Variants in MRTFA observed in about 807,000 individuals in gnomAD.
MRTFA encodes the protein myocardin related transcription factor A.
In MRTFA, 20 loss-of-function variants were observed where a neutral mutation model predicts 83.5. That is an observed-to-expected ratio of 0.24 (90% CI 0.17 to 0.35). MRTFA has a LOEUF of 0.35. Ranked by LOEUF, MRTFA falls within the 10% of genes least tolerant of loss-of-function variation. The pLI is 1.00. For synonymous variants in MRTFA, 659 were observed against 541.2 expected (o/e 1.22, Z -3.02); for missense variants, 1,200 against 1,224.7 (o/e 0.98, Z 0.30).
At chr22:40,458,417 G>C (rs759888928) in intron 4 of MRTFA, among the ~76,000 whole-genome samples, 39 of 152,140 alleles carry the variant, frequency 2.6e-4, no homozygotes, top group Non-Finnish European at 5.1e-4. Flanking sequence ...GGAATTAGGG[G>C]ATTCTTTAAT....
chr22:40,492,610 T>A (rs1163536984), intron 3 of MRTFA, among the ~76,000 whole-genome samples: 2 of 152,168 alleles, frequency 1.3e-5, no homozygotes, highest in Non-Finnish European at 2.9e-5. Flanking sequence ...CCCTCTTCTC[T>A]CTCTTGCCCT....
intron 2 of MRTFA, among the ~76,000 whole-genome samples, chr22:40,564,670 G>A (rs1370712898): frequency 1.3e-5 from 2 of 151,686 alleles, no homozygotes; most frequent in Non-Finnish European, 2.9e-5. Context: ...TTATTATTTT[G>A]GAGACGGAGC....
chr22:40,411,244 G>T lies in MRTFA; in HGVS notation c.*146C>A. 1.1e-6 allele frequency: 1 copy of T among 899,186 alleles called. No individual in the cohort carries two copies. Among genetic ancestry groups the T allele is most frequent in the Non-Finnish European group, 1.6e-6 (1 of 611,812 alleles). 55.7% of individuals were successfully genotyped at this position (899,186 alleles called of 1,614,324 possible). On this transcript the variant is annotated 3_prime_UTR_variant, in exon 15 of 15. Transcript: ENST00000355630. ...CTGAACCAGGAGTAAGGGCTTCTCT[G>T]TTCTAGCCTCCCAGGGAAGGGAAAA...
At chr22:40,489,364 T>A (rs1003119804) in intron 3 of MRTFA, among the ~76,000 whole-genome samples, 4 of 151,944 alleles carry the variant, frequency 2.6e-5, no homozygotes, top group African/African-American at 7.2e-5. Flanking sequence ...TTTTTTTTTT[T>A]ATGGAGACGG....
chr22:40,510,197 G>A (rs184144641), intron 3 of MRTFA, among the ~76,000 whole-genome samples: 2 of 152,232 alleles, frequency 1.3e-5, no homozygotes, highest in East Asian at 3.9e-4. Context: ...CAATAACTAG[G>A]ACAACTAAAG....
chr22:40,426,767 C>G (rs1335035292), intron 7 of MRTFA, among the ~76,000 whole-genome samples: 1 of 152,196 alleles, frequency 6.6e-6, no homozygotes, highest in Non-Finnish European at 1.5e-5. Flanking sequence ...TCCCACAGCA[C>G]TGACACACAC....
intron 4 of MRTFA, among the ~76,000 whole-genome samples, chr22:40,442,986 A>T (rs895971714): frequency 6.6e-5 from 10 of 152,202 alleles, no homozygotes; most frequent in African/African-American, 2.4e-4. Flanking sequence ...ACAGTGGCTC[A>T]CACCTGTAAT....
chr22:40,416,889 C>T lies in MRTFA; in HGVS notation c.2578+97G>A, dbSNP rs528874723. 1,471 of 1,169,758 alleles carry T rather than the reference C, an allele frequency of 1.3e-3. 1 individual carries two copies. Among genetic ancestry groups the T allele is most frequent in the Non-Finnish European group, 1.7e-3 (1,378 of 810,126 alleles). The allele number at this position is 1,169,758 out of a possible 1,614,324, so 72.5% of individuals were successfully genotyped here. ...CACAGTGCTTGCCCAAGACTGGTCA[C>T]GCACGGAAGCATTCAATAAAAACAA... On this transcript the variant is annotated intron_variant, in intron 14 of 14. Transcript: ENST00000355630. This position sits in a 1 kb window ranked among gnomAD's most constrained non-coding sequence, Gnocchi z 4.2.
intron 2 of MRTFA, among the ~76,000 whole-genome samples, chr22:40,592,773 A>C (rs1164474321): frequency 1.3e-5 from 2 of 152,172 alleles, no homozygotes; most frequent in Non-Finnish European, 2.9e-5. Context: ...AATTACAGGC[A>C]TGAACTACCA....
rs2052526528 is a variant in MRTFA, at chr22:40,411,291, G to GACTC, written c.*95_*98dup. The GACTC allele has an allele frequency of 1.6e-5, 21 of 1,283,380 alleles. No individual in the cohort carries two copies. The highest frequency in any genetic ancestry group is 5.0e-4 in the Middle Eastern group (2 of 4,010). The allele number at this position is 1,283,380 out of a possible 1,614,324, so 79.5% of individuals were successfully genotyped here. A position where few individuals can be genotyped will look rare whatever the true frequency, so the allele number is the denominator to read the frequency against. On this transcript the variant is annotated 3_prime_UTR_variant, in exon 15 of 15. Coordinates refer to ENST00000355630, the MANE Select transcript of MRTFA (RefSeq NM_020831.6). ...AAAAAGCAGGGGCTGTGATTGTCAAGACTCACAACCATGTGGAGAGGCCGA... is the reference window on the plus strand; with the variant it reads ...AAAAAGCAGGGGCTGTGATTGTCAAGACTCACTCACAACCATGTGGAGAGGCCGA...
chr22:40,463,280 T>A lies in MRTFA; in HGVS notation c.248A>T (p.Gln83Leu), dbSNP rs1235722484. Residue 83 changes from glutamine to leucine, a missense_variant, in exon 4 of 15, where the codon CAG becomes CTG. By Grantham distance (113) the Gln-to-Leu change is moderately radical. Transcript: ENST00000355630. The stretch of plus-strand genomic sequence containing the variant: ...GGTCCGGCGCTGCTGGAGTTTCAAC[T>A]GTAGCACTGCAGGGCAGCAGAGAGA... The A allele has an allele frequency of 6.2e-7, 1 of 1,613,870 alleles. No individual in the cohort carries two copies. The highest frequency in any genetic ancestry group is 8.5e-7 in the Non-Finnish European group (1 of 1,179,944).
At chr22:40,607,555 T>C (rs563525011) in intron 1 of MRTFA, among the ~76,000 whole-genome samples, 128 of 149,808 alleles carry the variant, frequency 8.5e-4, no homozygotes, top group Non-Finnish European at 1.3e-3. Flanking sequence ...ATATCAAAAA[T>C]CAGAAATCTT....
intron 1 of MRTFA, among the ~76,000 whole-genome samples, chr22:40,606,272 T>C (rs1178722496): frequency 2.8e-4 from 43 of 152,362 alleles, no homozygotes; most frequent in Admixed American, 2.8e-3. Flanking sequence ...CATCAATCTC[T>C]GGGGCATGTG....
In MRTFA at chr22:40,424,369, T is replaced by C. The variant is rs775976908; in HGVS notation, c.614A>G (p.Asn205Ser). 1 of 1,613,362 alleles carries C rather than the reference T, an allele frequency of 6.2e-7. No homozygotes were observed. Among genetic ancestry groups the C allele is most frequent in the South Asian group, 1.1e-5 (1 of 90,972 alleles). The change falls in exon 8 of 15, where the codon AAC becomes AGC. Residue 205 changes from asparagine to serine, a missense_variant. By Grantham distance (46) the Asn-to-Ser change is conservative. Around this residue, in one of 2 missense-constraint regions of MRTFA, gnomAD observed 93 missense variants for 182.9 expected, o/e 0.51. Coordinates refer to ENST00000355630, the MANE Select transcript of MRTFA (RefSeq NM_020831.6). ...AGAGCTGTCTGCTACTTTGGGATAGTTCACCTGGCCCACTGAAACCCAAAG... is the reference window on the plus strand; with the variant it reads ...AGAGCTGTCTGCTACTTTGGGATAGCTCACCTGGCCCACTGAAACCCAAAG...
At chr22:40,634,176 C>T (rs538730191) in intron 1 of MRTFA, among the ~76,000 whole-genome samples, 72 of 151,954 alleles carry the variant, frequency 4.7e-4, no homozygotes, top group South Asian at 2.9e-3. Flanking sequence ...CCACCTCAAA[C>T]TCCTGGGCTC....
At chr22:40,621,565 A>C (rs1332394499) in intron 1 of MRTFA, among the ~76,000 whole-genome samples, 1 of 152,192 alleles carries the variant, frequency 6.6e-6, no homozygotes, top group Non-Finnish European at 1.5e-5. Context: ...CACAATATGA[A>C]TGTACTTAAC....
rs942795825 is a variant in MRTFA at position 40,466,079 on chromosome 22, G to T, written c.242-2793C>A. 1.1e-4 allele frequency among the ~76,000 whole-genome samples: 17 copies of T among 152,282 alleles called. No individual in the cohort carries two copies. The East Asian group carries it at 3.3e-3, about 29-fold the overall frequency. Reference sequence around the variant, plus strand: ...ACAGGAGTGGAGTGTGATCACCTGGGTTTATTCTCTGGTGAGACAGACAAA... The same window carrying T: ...ACAGGAGTGGAGTGTGATCACCTGGTTTTATTCTCTGGTGAGACAGACAAA... On this transcript the variant is annotated intron_variant, in intron 3 of 14. Transcript: ENST00000355630.
At chr22:40,443,572 A>G (rs2053321093) in intron 4 of MRTFA, among the ~76,000 whole-genome samples, 1 of 152,100 alleles carries the variant, frequency 6.6e-6, no homozygotes, top group Non-Finnish European at 1.5e-5. Context: ...AGCCCTAGCA[A>G]AATATGTTCT....
intron 2 of MRTFA, among the ~76,000 whole-genome samples, chr22:40,560,219 T>C (rs181340675): frequency 7.2e-5 from 11 of 152,358 alleles, no homozygotes; most frequent in Admixed American, 1.3e-4. Flanking sequence ...AAATTCATTA[T>C]GCTATTATCT....
Sources: allele counts gnomAD v4.1 joint callset (sites outside exome capture counted in the v4.1 genomes callset), GRCh38; gene constraint gnomAD v4.1.1; regional missense constraint gnomAD v4.1.1; non-coding constraint Gnocchi (gnomAD v3.1); transcripts MANE v1.5; gene names NCBI Gene and HGNC (gene_info 2026-07-23, HGNC 2026-07-21).